Variants in TAFA1 observed in about 807,000 individuals in gnomAD.
The protein encoded by TAFA1 is chemokine-like protein TAFA-1.
Under a neutral mutation model 18.5 loss-of-function variants are expected in TAFA1, and 4 were observed. The ratio of observed to expected loss-of-function variants is 0.22; its 90% CI spans 0.11 to 0.49. The LOEUF is 0.49. TAFA1 is among the 20% of genes least tolerant of loss of function. The pLI is 0.98. For synonymous variants in TAFA1, 56 were observed against 55.2 expected, an observed-to-expected ratio of 1.01 and a Z score of -0.06; for missense variants, 147 against 169.0, an observed-to-expected ratio of 0.87 and a Z score of 0.72.
intron 3 of TAFA1, among the ~76,000 whole-genome samples, chr3:68,435,448 T>C (rs1366742366): frequency 6.6e-6 from 1 of 152,202 alleles, no homozygotes; most frequent in Non-Finnish European, 1.5e-5. Flanking sequence ...ATGAATGTTA[T>C]GGTTAGATCT....
chr3:68,193,022 G>A (rs1459307250), intron 2 of TAFA1, among the ~76,000 whole-genome samples: 1 of 151,716 alleles, frequency 6.6e-6, no homozygotes, highest in Non-Finnish European at 1.5e-5. Flanking sequence ...GGACAGATAT[G>A]GTAGTCTCCT....
intron 2 of TAFA1, among the ~76,000 whole-genome samples, chr3:68,345,817 A>T (rs955781618): frequency 1.3e-5 from 2 of 152,170 alleles, no homozygotes; most frequent in Admixed American, 6.5e-5. Flanking sequence ...ATATTTTTTG[A>T]GATGGGGATA....
At chr3:68,537,988 G>A (rs906858286) in intron 3 of TAFA1, among the ~76,000 whole-genome samples, 2 of 152,110 alleles carry the variant, frequency 1.3e-5, no homozygotes, top group Admixed American at 1.3e-4. Context: ...TTTTTCAAGG[G>A]TAGTTTGGTG....
chr3:68,112,518 A>G (rs975498684), intron 2 of TAFA1, among the ~76,000 whole-genome samples: 2 of 152,176 alleles, frequency 1.3e-5, no homozygotes, highest in Admixed American at 6.5e-5. Flanking sequence ...ATAAATAGAT[A>G]TTATATTTAA....
At chr3:68,357,094 C>A (rs2069380315) in intron 2 of TAFA1, among the ~76,000 whole-genome samples, 3 of 151,928 alleles carry the variant, frequency 2.0e-5, no homozygotes, top group Admixed American at 2.0e-4. Context: ...GCCAATCACA[C>A]TGTAAACTCT....
chr3:68,400,780 A>C (rs1334080314), intron 2 of TAFA1, among the ~76,000 whole-genome samples: 1 of 152,190 alleles, frequency 6.6e-6, no homozygotes, highest in African/African-American at 2.4e-5. Context: ...GGGAAAATAC[A>C]CTAGGTGGAA....
chr3:68,281,200 G>T (rs1349762272), intron 2 of TAFA1, among the ~76,000 whole-genome samples: 1 of 151,978 alleles, frequency 6.6e-6, no homozygotes, highest in African/African-American at 2.4e-5. Context: ...TTTAACTGAG[G>T]TTTTATAGAT....
intron 2 of TAFA1, among the ~76,000 whole-genome samples, chr3:68,111,775 TGAGAAAGA>T (rs1454905826): frequency 1.1e-4 from 3 of 26,228 alleles, no homozygotes; most frequent in Non-Finnish European, 2.3e-4. Context: ...GACACACACA[TGAGAAAGA>T]GAGAGAGAGA....
intron 2 of TAFA1, among the ~76,000 whole-genome samples, chr3:68,246,538 C>G (rs997895432): frequency 3.1e-5 from 4 of 128,448 alleles, no homozygotes; most frequent in African/African-American, 8.7e-5. Flanking sequence ...TGCAGTGAGC[C>G]GAGATGGTGC....
chr3:68,472,851 G>GA (rs1454250835), intron 3 of TAFA1, among the ~76,000 whole-genome samples: 1 of 152,058 alleles, frequency 6.6e-6, no homozygotes, highest in Non-Finnish European at 1.5e-5. Context: ...TTTGACTAAT[G>GA]AAGAATAAGG....
At chr3:68,017,130 T>C (rs759420900) in intron 2 of TAFA1, among the ~76,000 whole-genome samples, 4 of 152,168 alleles carry the variant, frequency 2.6e-5, no homozygotes, top group South Asian at 2.1e-4. Flanking sequence ...AAATCCCCTA[T>C]TGTGAAATAA....
At chr3:68,490,989 C>T (rs984877137) in intron 3 of TAFA1, among the ~76,000 whole-genome samples, 2 of 152,046 alleles carry the variant, frequency 1.3e-5, no homozygotes, top group Admixed American at 1.3e-4. Context: ...TGGGTGTACA[C>T]TGCCACACCC....
chr3:68,278,620 A>G (rs1490983893), intron 2 of TAFA1, among the ~76,000 whole-genome samples: 1 of 152,064 alleles, frequency 6.6e-6, no homozygotes, highest in Non-Finnish European at 1.5e-5. Flanking sequence ...GCGCCTGGGT[A>G]GATAGTATTA....
At chr3:68,206,067 T>C (rs1327501785) in intron 2 of TAFA1, among the ~76,000 whole-genome samples, 1 of 151,914 alleles carries the variant, frequency 6.6e-6, no homozygotes, top group Non-Finnish European at 1.5e-5. Flanking sequence ...TTTTTATTCT[T>C]TTTTTGTGTG....
At chr3:68,401,603 G>A (rs140995695) in intron 2 of TAFA1, among the ~76,000 whole-genome samples, 40 of 152,266 alleles carry the variant, frequency 2.6e-4, no homozygotes, top group African/African-American at 8.4e-4. Flanking sequence ...CCAGACTTGC[G>A]TCTTTTCGTC....
intron 2 of TAFA1, among the ~76,000 whole-genome samples, chr3:68,398,554 G>A (rs1032265605): frequency 3.9e-5 from 6 of 152,144 alleles, no homozygotes; most frequent in African/African-American, 1.2e-4. Context: ...CAGTAGAAGT[G>A]GAGTATAAAG....
At chr3:68,209,421 T>C (rs1205568681) in intron 2 of TAFA1, among the ~76,000 whole-genome samples, 1 of 152,052 alleles carries the variant, frequency 6.6e-6, no homozygotes, top group Non-Finnish European at 1.5e-5. Flanking sequence ...GACTGTTAGA[T>C]AAAAAATGGA....
chr3:68,113,596 G>A (rs1028246404), intron 2 of TAFA1, among the ~76,000 whole-genome samples: 3 of 152,092 alleles, frequency 2.0e-5, no homozygotes, highest in East Asian at 1.9e-4. Context: ...ATTTCATAAC[G>A]AAAATAGAAA....
chr3:68,286,543 A>G (rs1300146676), intron 2 of TAFA1, among the ~76,000 whole-genome samples: 6 of 152,180 alleles, frequency 3.9e-5, no homozygotes, highest in Non-Finnish European at 8.8e-5. Context: ...GAGACCCCGG[A>G]GGATGCAAAG....
Sources: allele counts gnomAD v4.1 joint callset (sites outside exome capture counted in the v4.1 genomes callset), GRCh38; gene constraint gnomAD v4.1.1; transcripts MANE v1.5; gene names NCBI Gene and HGNC (gene_info 2026-07-23, HGNC 2026-07-21).